Variants in DYRK2 observed in about 807,000 individuals in gnomAD.
DYRK2 encodes the protein dual specificity tyrosine-phosphorylation-regulated kinase 2.
DYRK2 carries 12 observed loss-of-function variants against 41.6 expected under a neutral mutation model. The observed-to-expected ratio is 0.29, with a 90% CI of 0.18 to 0.47. DYRK2 has a LOEUF of 0.47. Ranked by LOEUF, DYRK2 falls within the 20% of genes least tolerant of loss-of-function variation. The pLI is 1.00. For missense variants in DYRK2, 678 were observed against 798.4 expected, an observed-to-expected ratio of 0.85 and a Z score of 1.82; for synonymous variants, 322 against 315.7, an observed-to-expected ratio of 1.02 and a Z score of -0.21.
chr12:67,653,166 A>G (rs1033280416), intron 2 of DYRK2, among the ~76,000 whole-genome samples: 2 of 152,184 alleles, frequency 1.3e-5, no homozygotes, highest in South Asian at 4.1e-4. Flanking sequence ...ACACTGTGCT[A>G]TACATTGGCA....
chr12:67,658,114 A>T lies in DYRK2; in HGVS notation c.1207A>T (p.Ile403Phe). The T allele has an allele frequency of 6.2e-7, 1 of 1,614,178 alleles. No homozygotes were observed. Among genetic ancestry groups the T allele is most frequent in the Non-Finnish European group, 8.5e-7 (1 of 1,180,040 alleles). Residue 403 changes from isoleucine to phenylalanine, a missense_variant, in exon 3 of 3, where the codon ATT becomes TTT. This residue lies in a region of DYRK2 where 393 missense variants were observed against 519.1 expected (regional missense o/e 0.76). Transcript: ENST00000344096. The surrounding 1 kb of genome is among the most constrained non-coding windows in gnomAD (Gnocchi z 4.3). ...VILGARYGMP[I>F]DMWSLGCILA... The stretch of plus-strand genomic sequence containing the variant: ...CCTTGGGGCCAGGTATGGCATGCCC[A>T]TTGATATGTGGAGCCTGGGCTGCAT...
Position 67,658,271 on chromosome 12 carries a change from T to C in DYRK2, c.1364T>C (p.Phe455Ser). The C allele has an allele frequency of 2.5e-6, 4 of 1,614,186 alleles. No individual in the cohort carries two copies. The highest frequency in any genetic ancestry group is 3.4e-6 in the Non-Finnish European group (4 of 1,180,038). The change falls in exon 3 of 3, where the codon TTT becomes TCT. Residue 455 changes from phenylalanine to serine, a missense_variant. This residue lies in a region of DYRK2 where 393 missense variants were observed against 519.1 expected (regional missense o/e 0.76). Coordinates refer to ENST00000344096, the MANE Select transcript of DYRK2 (RefSeq NM_006482.3). This position sits in a 1 kb window ranked among gnomAD's most constrained non-coding sequence, Gnocchi z 4.3. ...GATGCATCCAAACGAGCCAAAAATTTTGTGAGCTCCAAGGGTTATCCCCGT... is the reference window on the plus strand; with the variant it reads ...GATGCATCCAAACGAGCCAAAAATTCTGTGAGCTCCAAGGGTTATCCCCGT... ...LLDASKRAKN[F>S]VSSKGYPRYC...
intron 2 of DYRK2, among the ~76,000 whole-genome samples, chr12:67,654,465 G>T (rs577035278): frequency 3.3e-5 from 5 of 152,310 alleles, no homozygotes; most frequent in African/African-American, 1.2e-4. Context: ...GAGATTTGAG[G>T]AATTCTAGAC....
At chr12:67,650,082 C>T in intron 2 of DYRK2, 137 bp downstream of exon 2, 2 of 959,536 alleles carry the variant, frequency 2.1e-6, no homozygotes, top group Non-Finnish European at 2.7e-6. Context: ...GGCCGATGGT[C>T]TCTCGTCGAC....
Position 67,657,035 on chromosome 12 carries a change from T to TG in DYRK2, c.199-66dup. ...GTGAGGTTGGGGGCGGTGGTGTTGT[T>TG]GGGGGTTACTTATACACCATTTGAA... is the stretch of plus-strand genomic sequence containing the variant. On this transcript the variant is annotated intron_variant, in intron 2 of 2. Transcript: ENST00000344096. This position sits in a 1 kb window ranked among gnomAD's most constrained non-coding sequence, Gnocchi z 4.8. 2.1e-6 allele frequency: 3 copies of TG among 1,443,722 alleles called. No individual in the cohort carries two copies. The highest frequency in any genetic ancestry group is 1.8e-6 in the Non-Finnish European group (2 of 1,087,198). The allele number at this position is 1,443,722 out of a possible 1,614,324, so 89.4% of individuals were successfully genotyped here. A position where few individuals can be genotyped will look rare whatever the true frequency, so the allele number is the denominator to read the frequency against.
rs1418886335 is a variant in DYRK2, at chr12:67,664,963, T to G, written c.*6250T>G. ...AGTATGAAAATACTATTTTTGACAC[T>G]TTACTGATACTCAGGGATTAAAAGT... is the stretch of plus-strand genomic sequence containing the variant. On this transcript the variant is annotated 3_prime_UTR_variant, in exon 3 of 3. Transcript: ENST00000344096. 1 of 152,178 alleles carries G rather than the reference T, an allele frequency of 6.6e-6. No homozygotes were observed. The highest frequency in any genetic ancestry group is 1.5e-5 in the Non-Finnish European group (1 of 68,016). 9.4% of individuals were successfully genotyped at this position (152,178 alleles called of 1,614,324 possible).
In DYRK2 at chr12:67,658,075, G is replaced by A; in HGVS notation, c.1168G>A (p.Ala390Thr). Reference protein sequence around the residue: ...YTYIQSRFYRAPEVILGARYG... With the variant: ...YTYIQSRFYRTPEVILGARYG... The stretch of plus-strand genomic sequence containing the variant: ...GTACATCCAGTCGCGTTTTTACCGG[G>A]CTCCAGAAGTGATCCTTGGGGCCAG... Residue 390 changes from alanine to threonine, a missense_variant, in exon 3 of 3, where the codon GCT becomes ACT. Coordinates refer to ENST00000344096, the MANE Select transcript of DYRK2 (RefSeq NM_006482.3). This position sits in a 1 kb window ranked among gnomAD's most constrained non-coding sequence, Gnocchi z 4.3. The A allele has an allele frequency of 6.2e-7, 1 of 1,614,238 alleles. No individual in the cohort carries two copies. The highest frequency in any genetic ancestry group is 8.5e-7 in the Non-Finnish European group (1 of 1,180,052).
At chr12:67,651,605 A>G in intron 2 of DYRK2, 2 of 456,042 alleles carry the variant, frequency 4.4e-6, no homozygotes, top group Non-Finnish European at 8.8e-6. Flanking sequence ...ACTTGTTTTT[A>G]ACGTGTGTGT....
At chr12:67,652,967 T>C (rs1277735342) in intron 2 of DYRK2, among the ~76,000 whole-genome samples, 5 of 151,828 alleles carry the variant, frequency 3.3e-5, no homozygotes, top group African/African-American at 9.7e-5. Flanking sequence ...GTAGCTGGGA[T>C]TACAGGCACC....
At chr12:67,651,532 A>G (rs550928958) in intron 2 of DYRK2, 64 of 452,326 alleles carry the variant, frequency 1.4e-4, no homozygotes, top group African/African-American at 1.1e-3. Flanking sequence ...GAAGGATGCG[A>G]ATGTGCTTCT....
chr12:67,649,055 C>A lies in DYRK2; in HGVS notation c.-79C>A. 1 of 1,268,842 alleles carries A rather than the reference C, an allele frequency of 7.9e-7. No homozygotes were observed. 78.6% of individuals were successfully genotyped at this position (1,268,842 alleles called of 1,614,324 possible). ...CGCGCGAGGGGCGGCCGGGAGGCGG[C>A]GGCGGCGGCCGCCAGAAGTAGCAGC... On this transcript the variant is annotated 5_prime_UTR_variant, in exon 1 of 3. Coordinates refer to ENST00000344096, the MANE Select transcript of DYRK2 (RefSeq NM_006482.3).
chr12:67,653,270 G>C (rs1872375307), intron 2 of DYRK2, among the ~76,000 whole-genome samples: 1 of 152,148 alleles, frequency 6.6e-6, no homozygotes, highest in Non-Finnish European at 1.5e-5. Context: ...CTTGACATAC[G>C]TATTCTGGAA....
rs777171478 is a variant in DYRK2, at chr12:67,657,661, A to G, written c.754A>G (p.Met252Val). Residue 252 changes from methionine to valine, a missense_variant, in exon 3 of 3, where the codon ATG becomes GTG. This residue lies in a region of DYRK2 where 393 missense variants were observed against 519.1 expected (regional missense o/e 0.76). Coordinates refer to ENST00000344096, the MANE Select transcript of DYRK2 (RefSeq NM_006482.3). The surrounding 1 kb of genome is among the most constrained non-coding windows in gnomAD (Gnocchi z 4.8). ...HKVHQHVALKMVRNEKRFHRQ... is the reference protein window; with the variant it reads ...HKVHQHVALKVVRNEKRFHRQ... ...AGTCCACCAGCACGTGGCCCTAAAG[A>G]TGGTGCGGAATGAGAAGCGCTTCCA... 6.2e-7 allele frequency: 1 copy of G among 1,613,856 alleles called. No homozygotes were observed. Among genetic ancestry groups the G allele is most frequent in the Non-Finnish European group, 8.5e-7 (1 of 1,179,948 alleles).
intron 2 of DYRK2, among the ~76,000 whole-genome samples, 163 bp downstream of exon 2, chr12:67,650,108 T>A (rs1030477020): frequency 2.6e-5 from 4 of 152,230 alleles, no homozygotes; most frequent in African/African-American, 4.8e-5. Context: ...CCTGGTTAAG[T>A]TGGGCGAGCC....
In DYRK2 at chr12:67,649,921, C is replaced by T; in HGVS notation, c.174C>T (p.Ser58=). The stretch of plus-strand genomic sequence containing the variant: ...TCGCCCTGCCGCCTCTCCGGGCCAG[C>T]AACGCTGCCGCCGCAGCCCACACGG... ...SPIALPPLRA[S]NAAAAAHTIG... The change falls in exon 2 of 3, where the codon AGC becomes AGT. Residue 58 remains serine (S), a synonymous_variant. Transcript: ENST00000344096. The T allele has an allele frequency of 1.4e-6, 2 of 1,381,536 alleles. No individual in the cohort carries two copies. The highest frequency in any genetic ancestry group is 1.9e-6 in the Non-Finnish European group (2 of 1,075,244). 85.6% of individuals were successfully genotyped at this position (1,381,536 alleles called of 1,614,324 possible). A position where few individuals can be genotyped will look rare whatever the true frequency, so the allele number is the denominator to read the frequency against.
At chr12:67,650,284 A>G (rs1872281068) in intron 2 of DYRK2, among the ~76,000 whole-genome samples, 1 of 151,892 alleles carries the variant, frequency 6.6e-6, no homozygotes, top group South Asian at 2.1e-4. Context: ...GACCCGGTAA[A>G]CATCTCTGTC....
At position 67,663,773 on chromosome 12, in the gene DYRK2, T is replaced by C. The variant is rs970430629; in HGVS notation, c.*5060T>C. ...TCATTCTCTTTCCTTTTATCAGATC[T>C]TTCAAAAGCGCTTTTTAAAATTGAT... On this transcript the variant is annotated 3_prime_UTR_variant, in exon 3 of 3. Transcript: ENST00000344096. The C allele has an allele frequency of 9.2e-5, 14 of 152,182 alleles. No individual in the cohort carries two copies. 9.4% of individuals were successfully genotyped at this position (152,182 alleles called of 1,614,324 possible).
In DYRK2 at chr12:67,662,797, T is replaced by A. The variant is rs984142003; in HGVS notation, c.*4084T>A. On this transcript the variant is annotated 3_prime_UTR_variant, in exon 3 of 3. Coordinates refer to ENST00000344096, the MANE Select transcript of DYRK2 (RefSeq NM_006482.3). Reference sequence around the variant, plus strand: ...CAGGGTCTTGAGAAGTTAAAATAATTCATTCTACTAGTTTGTTCATAGCAA... The same window carrying A: ...CAGGGTCTTGAGAAGTTAAAATAATACATTCTACTAGTTTGTTCATAGCAA... 17 of 153,614 alleles carry A rather than the reference T, an allele frequency of 1.1e-4. No individual in the cohort carries two copies. The highest frequency in any genetic ancestry group is 2.1e-4 in the Non-Finnish European group (14 of 68,016). 9.5% of individuals were successfully genotyped at this position (153,614 alleles called of 1,614,324 possible).
chr12:67,655,044 A>G (rs778655685), intron 2 of DYRK2, among the ~76,000 whole-genome samples: 4 of 152,176 alleles, frequency 2.6e-5, no homozygotes, highest in Non-Finnish European at 5.9e-5. Flanking sequence ...GCAGTTGGAG[A>G]TATAGAAGAT....
Sources: allele counts gnomAD v4.1 joint callset (sites outside exome capture counted in the v4.1 genomes callset), GRCh38; gene constraint gnomAD v4.1.1; regional missense constraint gnomAD v4.1.1; non-coding constraint Gnocchi (gnomAD v3.1); transcripts MANE v1.5; gene names NCBI Gene and HGNC (gene_info 2026-07-23, HGNC 2026-07-21).